The following ZNF175 variants were observed in gnomAD, a reference collection of about 807,000 sequenced individuals.
ZNF175 encodes zinc finger protein OTK18.
Under a neutral mutation model 14.0 loss-of-function variants are expected in ZNF175, and 8 were observed. The observed-to-expected ratio is 0.57, with a 90% confidence interval of 0.34 to 1.03. The LOEUF is 1.03. Among genes scored for constraint, ZNF175 ranks in the 50% least tolerant of loss-of-function variants. The pLI is 0.03. For synonymous variants in ZNF175, 255 were observed against 296.8 expected (o/e 0.86, Z 1.45); for missense variants, 764 against 849.5 (o/e 0.90, Z 1.25).
At position 51,588,190 on chromosome 19, in the gene ZNF175, G is replaced by C; in HGVS notation, c.1859G>C (p.Cys620Ser). The C allele has an allele frequency of 6.2e-7, 1 of 1,614,014 alleles. No individual in the cohort carries two copies. The highest frequency in any genetic ancestry group is 8.5e-7 in the Non-Finnish European group (1 of 1,180,006). ...TRERPFVCYK[C>S]GKAFVQKSEL... ...GAGAGGCCTTTTGTCTGTTACAAAT[G>C]TGGGAAGGCTTTTGTCCAGAAATCA... is the stretch of plus-strand genomic sequence containing the variant. The change falls in exon 5 of 5, where the codon TGT (cysteine) becomes TCT (serine). Residue 620 changes from cysteine (C) to serine (S), a missense_variant. Physicochemically the swap from Cys to Ser is moderately radical, Grantham distance 112. Transcript: ENST00000262259.
Position 51,588,997 on chromosome 19 carries a change from A to G in ZNF175, c.*530A>G. ...GTATCCCTTCTCCAAAATGCCTGGG[A>G]TCAGAAGCATTTTGGATTTCAGATA... On this transcript the variant is annotated 3_prime_UTR_variant, in exon 5 of 5. Transcript: ENST00000262259. 3.2e-6 allele frequency: 1 copy of G among 315,278 alleles called. No homozygotes were observed. Among genetic ancestry groups the G allele is most frequent in the Non-Finnish European group, 5.7e-6 (1 of 175,836 alleles). 19.5% of individuals were successfully genotyped at this position (315,278 alleles called of 1,614,324 possible). A position where few individuals can be genotyped will look rare whatever the true frequency, so the allele number is the denominator to read the frequency against.
At chr19:51,577,788 C>T (rs1031545538) in intron 2 of ZNF175, among the ~76,000 whole-genome samples, 3 of 151,656 alleles carry the variant, frequency 2.0e-5, no homozygotes, top group South Asian at 4.2e-4. Flanking sequence ...TTCAGCCTCC[C>T]GAGTAGCTGG....
rs1555786070 is a variant in ZNF175, at chr19:51,589,269, C to CATAT, written c.*802_*803insATAT. 2.8e-4 allele frequency: 118 copies of CATAT among 426,492 alleles called. No homozygotes were observed. The highest frequency in any genetic ancestry group is 1.4e-3 in the African/African-American group (71 of 49,582). The allele number at this position is 426,492 out of a possible 1,614,324, so 26.4% of individuals were successfully genotyped here. A position where few individuals can be genotyped will look rare whatever the true frequency, so the allele number is the denominator to read the frequency against. ...TCTGGTCAGCATATGTGTATGTATGCGTATGTATGTATGTATGTATGCCCT... is the reference window on the plus strand; with the variant it reads ...TCTGGTCAGCATATGTGTATGTATGCATATGTATGTATGTATGTATGTATGCCCT... On this transcript the variant is annotated 3_prime_UTR_variant, in exon 5 of 5. Coordinates refer to ENST00000262259, the MANE Select transcript of ZNF175 (RefSeq NM_007147.4).
At chr19:51,576,913 A>G (rs1981807539) in intron 2 of ZNF175, among the ~76,000 whole-genome samples, 2 of 152,092 alleles carry the variant, frequency 1.3e-5, no homozygotes, top group Non-Finnish European at 2.9e-5. Context: ...TTATCTGAAC[A>G]TGTCTGTTCA....
chr19:51,591,016 G>A lies in ZNF175; in HGVS notation c.*2549G>A, dbSNP rs77903506. ...CCTGTTCCTAAGCATCACCTGGGGG[G>A]ATCACTCTGGGTCCTCATCTCCAGC... On this transcript the variant is annotated 3_prime_UTR_variant, in exon 5 of 5. Transcript: ENST00000262259. 5.6e-3 allele frequency: 798 copies of A among 143,588 alleles called. 2 individuals carry two copies. Among genetic ancestry groups the A allele is most frequent in the Middle Eastern group, 0.027 (8 of 296 alleles). The allele number at this position is 143,588 out of a possible 1,614,324, so 8.9% of individuals were successfully genotyped here. A position where few individuals can be genotyped will look rare whatever the true frequency, so the allele number is the denominator to read the frequency against.
chr19:51,587,835 C>T lies in ZNF175; in HGVS notation c.1504C>T (p.Pro502Ser). ...TCATCGAATTCATACAGGGGAGAAA[C>T]CTTATGAATGCAGTGACTGTGGAAA... The part of the protein sequence containing the change: ...IHHRIHTGEK[P>S]YECSDCGKTF... The change falls in exon 5 of 5, where the codon CCT (proline) becomes TCT (serine). Residue 502 changes from proline to serine, a missense_variant. Pro to Ser is a moderately conservative substitution (Grantham distance 74). Coordinates refer to ENST00000262259, the MANE Select transcript of ZNF175 (RefSeq NM_007147.4). The T allele has an allele frequency of 1.9e-6, 3 of 1,614,126 alleles. No homozygotes were observed. The highest frequency in any genetic ancestry group is 1.6e-4 in the Middle Eastern group (1 of 6,062).
At chr19:51,579,046 A>G (rs1981904501) in intron 2 of ZNF175, among the ~76,000 whole-genome samples, 1 of 152,146 alleles carries the variant, frequency 6.6e-6, no homozygotes, top group African/African-American at 2.4e-5. Context: ...TTGAGGCCAG[A>G]GTTTAAGACC....
chr19:51,577,767 C>A (rs1232259303), intron 2 of ZNF175, among the ~76,000 whole-genome samples: 1 of 151,470 alleles, frequency 6.6e-6, no homozygotes, highest in Non-Finnish European at 1.5e-5. Flanking sequence ...GGGTTCACGC[C>A]ATTCTCCTGC....
chr19:51,591,614 C>A lies in ZNF175; in HGVS notation c.*3147C>A, dbSNP rs1264141587. 1 of 152,152 alleles carries A rather than the reference C, an allele frequency of 6.6e-6. No homozygotes were observed. Among genetic ancestry groups the A allele is most frequent in the Non-Finnish European group, 1.5e-5 (1 of 68,032 alleles). The allele number at this position is 152,152 out of a possible 1,614,324, so 9.4% of individuals were successfully genotyped here. On this transcript the variant is annotated 3_prime_UTR_variant, in exon 5 of 5. Coordinates refer to ENST00000262259, the MANE Select transcript of ZNF175 (RefSeq NM_007147.4). ...GTAGGAAATAATCTAACCTCATAAA[C>A]CCCATTTTAGAGATGAGGAAACAGG...
At chr19:51,581,325 T>C (rs976975204) in intron 2 of ZNF175, 66 bp from the exon 3 acceptor site, 3 of 1,612,420 alleles carry the variant, frequency 1.9e-6, no homozygotes, top group Non-Finnish European at 2.5e-6. Context: ...ATGTTCCTCC[T>C]ATATGTGCCA....
At position 51,573,157 on chromosome 19, in the gene ZNF175, C is replaced by G; in HGVS notation, c.-173C>G. On this transcript the variant is annotated 5_prime_UTR_variant, in exon 2 of 5. Coordinates refer to ENST00000262259, the MANE Select transcript of ZNF175 (RefSeq NM_007147.4). Reference sequence around the variant, plus strand: ...ACTCATTGCTTTTCCAAGGCTTCTGCAGAACCCCCAGGTCAGGCCACATCA... The same window carrying G: ...ACTCATTGCTTTTCCAAGGCTTCTGGAGAACCCCCAGGTCAGGCCACATCA... 1 of 663,038 alleles carries G rather than the reference C, an allele frequency of 1.5e-6. No homozygotes were observed. Among genetic ancestry groups the G allele is most frequent in the Non-Finnish European group, 2.7e-6 (1 of 376,526 alleles). 41.1% of individuals were successfully genotyped at this position (663,038 alleles called of 1,614,324 possible).
At position 51,591,917 on chromosome 19, in the gene ZNF175, C is replaced by T. The variant is rs1020152511; in HGVS notation, c.*3450C>T. On this transcript the variant is annotated 3_prime_UTR_variant, in exon 5 of 5. Coordinates refer to ENST00000262259, the MANE Select transcript of ZNF175 (RefSeq NM_007147.4). Reference sequence around the variant, plus strand: ...CCGAGTAGCTGGGACTACAGGCGCCCACCACCATGCCTGGCTAATTTTTTG... The same window carrying T: ...CCGAGTAGCTGGGACTACAGGCGCCTACCACCATGCCTGGCTAATTTTTTG... 5 of 151,850 alleles carry T rather than the reference C, an allele frequency of 3.3e-5. No individual in the cohort carries two copies. Among genetic ancestry groups the T allele is most frequent in the African/African-American group, 4.8e-5 (2 of 41,452 alleles). 9.4% of individuals were successfully genotyped at this position (151,850 alleles called of 1,614,324 possible). A position where few individuals can be genotyped will look rare whatever the true frequency, so the allele number is the denominator to read the frequency against.
Position 51,588,158 on chromosome 19 carries a change from C to T in ZNF175, c.1827C>T (p.His609=), listed in dbSNP as rs1455422704. ...RSNFHKHQIT[H]TRERPFVCYK... ...ATTTCCATAAACATCAAATAACTCA[C>T]ACTAGAGAGAGGCCTTTTGTCTGTT... The change falls in exon 5 of 5, where the codon CAC becomes CAT. Residue 609 remains histidine, a synonymous_variant. Transcript: ENST00000262259. 6.2e-6 allele frequency: 10 copies of T among 1,613,804 alleles called. No homozygotes were observed. Among genetic ancestry groups the T allele is most frequent in the Middle Eastern group, 1.7e-4 (1 of 6,060 alleles).
chr19:51,587,432 C>T lies in ZNF175; in HGVS notation c.1101C>T (p.Asp367=). 1 of 1,614,210 alleles carries T rather than the reference C, an allele frequency of 6.2e-7. No individual in the cohort carries two copies. The highest frequency in any genetic ancestry group is 1.3e-5 in the African/African-American group (1 of 75,060). ...GAAAGAAGCCCTATAAATGCCATGA[C>T]TGTGGAAAAGCCTTTTTCCAGATGT... ...HTRKKPYKCH[D]CGKAFFQMLS... Residue 367 remains aspartate, a synonymous_variant, in exon 5 of 5, where the codon GAC becomes GAT. Transcript: ENST00000262259.
At chr19:51,574,981 G>C (rs1390195359) in intron 2 of ZNF175, among the ~76,000 whole-genome samples, 2 of 152,014 alleles carry the variant, frequency 1.3e-5, no homozygotes, top group Non-Finnish European at 2.9e-5. Flanking sequence ...TCTCTTTGTG[G>C]TGTGTATTTC....
intron 2 of ZNF175, among the ~76,000 whole-genome samples, chr19:51,578,096 T>G (rs2039547084): frequency 6.6e-6 from 1 of 152,042 alleles, no homozygotes; most frequent in African/African-American, 2.4e-5. Context: ...TTTAAGTTAA[T>G]TACTTCATTT....
chr19:51,588,722 G>T lies in ZNF175; in HGVS notation c.*255G>T. 2.3e-6 allele frequency: 1 copy of T among 435,082 alleles called. No individual in the cohort carries two copies. Among genetic ancestry groups the T allele is most frequent in the Non-Finnish European group, 4.0e-6 (1 of 250,398 alleles). The allele number at this position is 435,082 out of a possible 1,614,324, so 27.0% of individuals were successfully genotyped here. ...ATTAAGGATTATAAATTTTCTCCCC[G>T]GGAAGAAACCCTGACTAACGCATTG... On this transcript the variant is annotated 3_prime_UTR_variant, in exon 5 of 5. Transcript: ENST00000262259.
chr19:51,581,920 G>T, intron 4 of ZNF175, 38 bp downstream of exon 4: 1 of 1,576,206 alleles, frequency 6.3e-7, no homozygotes, highest in Non-Finnish European at 8.7e-7. Context: ...AGATATCTTT[G>T]CAGGGAACCA....
At chr19:51,583,551 T>C (rs1982078703) in intron 4 of ZNF175, among the ~76,000 whole-genome samples, 1 of 152,204 alleles carries the variant, frequency 6.6e-6, no homozygotes, top group African/African-American at 2.4e-5. Context: ...ATCCCCATTT[T>C]CTCATATTTA....
Sources: gnomAD v4.1 joint callset for allele counts (sites outside exome capture counted in the v4.1 genomes callset) on GRCh38, gnomAD v4.1.1 for gene constraint, MANE v1.5 for transcripts, NCBI Gene and HGNC (gene_info 2026-07-23, HGNC 2026-07-21) for gene names.